Variants in SAMD12 observed in about 807,000 individuals in gnomAD.
SAMD12 encodes sterile alpha motif domain-containing protein 12.
Under a neutral mutation model 15.0 loss-of-function variants are expected in SAMD12, and 9 were observed. That is an observed-to-expected ratio of 0.60 (90% CI 0.36 to 1.05). The LOEUF (loss-of-function observed/expected upper bound fraction) is 1.05. Ranked by LOEUF, SAMD12 falls within the 50% of genes least tolerant of loss-of-function variation. The pLI, the probability that SAMD12 is intolerant of heterozygous loss-of-function variation, is 0.01. For missense variants in SAMD12, 230 were observed against 234.2 expected, an observed-to-expected ratio of 0.98 and a Z score of 0.12; for synonymous variants, 86 against 90.1, an observed-to-expected ratio of 0.96 and a Z score of 0.25.
At chr8:118,463,475 C>T (rs560785326) in intron 2 of SAMD12, among the ~76,000 whole-genome samples, 5 of 152,212 alleles carry the variant, frequency 3.3e-5, no homozygotes, top group African/African-American at 9.6e-5. Flanking sequence ...AGGAGAAAAC[C>T]GGGCTCCCAC....
At chr8:118,479,867 C>T (rs891425431) in intron 2 of SAMD12, among the ~76,000 whole-genome samples, 3 of 151,836 alleles carry the variant, frequency 2.0e-5, no homozygotes, top group Non-Finnish European at 4.4e-5. Flanking sequence ...TCCCTGGACA[C>T]TATCACAGGC....
At chr8:118,385,624 C>T (rs1819913733) in intron 3 of SAMD12, among the ~76,000 whole-genome samples, 1 of 152,152 alleles carries the variant, frequency 6.6e-6, no homozygotes, top group African/African-American at 2.4e-5. Context: ...TTTTGTTTCT[C>T]TGGAGAACAC....
At chr8:118,180,415 C>A in the SAMD12 span, among the ~76,000 whole-genome samples, 1 of 152,200 alleles carries the variant, frequency 6.6e-6, no homozygotes, top group Non-Finnish European at 1.5e-5. Flanking sequence ...CCCTTCCCTT[C>A]TATCTCATTC....
intron 3 of SAMD12, among the ~76,000 whole-genome samples, chr8:118,417,324 TCCTC>T (rs1209045745): frequency 6.6e-6 from 1 of 152,142 alleles, no homozygotes; most frequent in African/African-American, 2.4e-5. Context: ...TCTCAGGTGA[TCCTC>T]CCACCTTGGC....
chr8:118,218,820 T>C (rs911862960), intron 4 of SAMD12, among the ~76,000 whole-genome samples: 1 of 152,190 alleles, frequency 6.6e-6, no homozygotes, highest in African/African-American at 2.4e-5. Context: ...ACACTTTGAA[T>C]AGTGTTCATC....
rs541723498 is a variant in SAMD12, at chr8:118,533,599, A to T, written c.192+47116T>A. ...TAAGTCTCTTTGTAGGTCTCTAAGGACTTGCTTTATGAATCTGGGTGCTCC... is the reference window on the plus strand; with the variant it reads ...TAAGTCTCTTTGTAGGTCTCTAAGGTCTTGCTTTATGAATCTGGGTGCTCC... On this transcript the variant is annotated intron_variant, in intron 2 of 3. Transcript: ENST00000314727. Among the ~76,000 whole-genome samples, 118 of 152,216 alleles carry T rather than the reference A, an allele frequency of 7.8e-4. 1 individual carries two copies. Among genetic ancestry groups the T allele is most frequent in the South Asian group, 2.7e-3 (13 of 4,822 alleles).
the SAMD12 span, among the ~76,000 whole-genome samples, chr8:118,175,628 G>T: frequency 2.0e-5 from 3 of 151,948 alleles, no homozygotes; most frequent in Non-Finnish European, 4.4e-5. Flanking sequence ...ATCTATAAGG[G>T]ACCTAAACAA....
chr8:118,423,387 C>A (rs2130851615), intron 3 of SAMD12, among the ~76,000 whole-genome samples: 1 of 152,252 alleles, frequency 6.6e-6, no homozygotes, highest in South Asian at 2.1e-4. Flanking sequence ...CCATGGCTCA[C>A]AGGACGTTAT....
intron 4 of SAMD12, among the ~76,000 whole-genome samples, chr8:118,278,057 G>A (rs1813514275): frequency 6.6e-6 from 1 of 152,194 alleles, no homozygotes; most frequent in African/African-American, 2.4e-5. Context: ...CATAAACAGT[G>A]ATAACACAAA....
At chr8:118,475,896 G>C (rs1296065112) in intron 2 of SAMD12, among the ~76,000 whole-genome samples, 8 of 152,166 alleles carry the variant, frequency 5.3e-5, no homozygotes, top group Non-Finnish European at 1.2e-4. Flanking sequence ...GGCACTGCTA[G>C]GATCTCAATG....
chr8:118,458,288 C>A (rs975062771), intron 2 of SAMD12, among the ~76,000 whole-genome samples: 2 of 152,092 alleles, frequency 1.3e-5, no homozygotes, highest in African/African-American at 4.8e-5. Flanking sequence ...TTCAATGTAG[C>A]CAGGTTGTTA....
chr8:118,473,930 C>T (rs950486109), intron 2 of SAMD12, among the ~76,000 whole-genome samples: 1 of 152,100 alleles, frequency 6.6e-6, no homozygotes, highest in Non-Finnish European at 1.5e-5. Flanking sequence ...TATCCCCACA[C>T]AGTATTACTA....
chr8:118,382,308 A>G (rs555953064), intron 3 of SAMD12, among the ~76,000 whole-genome samples: 3 of 152,338 alleles, frequency 2.0e-5, no homozygotes, highest in Non-Finnish European at 4.4e-5. Flanking sequence ...CTGATAAGAC[A>G]CATGGCTGCT....
At chr8:118,159,930 G>A in the SAMD12 span, among the ~76,000 whole-genome samples, 1 of 152,032 alleles carries the variant, frequency 6.6e-6, no homozygotes, top group Non-Finnish European at 1.5e-5. Context: ...ATGTTGGCCA[G>A]GCTGGTCTCG....
intron 2 of SAMD12, among the ~76,000 whole-genome samples, chr8:118,448,019 C>T (rs1228453953): frequency 2.6e-5 from 4 of 152,088 alleles, no homozygotes; most frequent in Admixed American, 6.5e-5. Context: ...TGAGCCACCG[C>T]GCCCAGCCTC....
At chr8:118,171,728 AT>A in the SAMD12 span, among the ~76,000 whole-genome samples, 14,561 of 136,152 alleles carry the variant, frequency 0.11, 1,448 homozygotes, top group African/African-American at 0.28. Context: ...TGGGTACAGG[AT>A]TTTTTTTTTT....
chr8:118,137,562 C>T, the SAMD12 span, among the ~76,000 whole-genome samples: 2 of 152,178 alleles, frequency 1.3e-5, no homozygotes, highest in Non-Finnish European at 2.9e-5. Context: ...ATGTGCATCC[C>T]TCAGAAGTTC....
chr8:118,532,542 A>C (rs1825720230), intron 2 of SAMD12, among the ~76,000 whole-genome samples: 1 of 152,170 alleles, frequency 6.6e-6, no homozygotes, highest in Non-Finnish European at 1.5e-5. Context: ...CCTCTGGTAG[A>C]ATTCGGCTGT....
chr8:118,301,200 A>C (rs531902814), intron 4 of SAMD12, among the ~76,000 whole-genome samples: 74 of 152,332 alleles, frequency 4.9e-4, no homozygotes, highest in African/African-American at 1.7e-3. Flanking sequence ...AAAGAGCAAA[A>C]GGTGGTGGGG....
Sources: allele counts gnomAD v4.1 joint callset (sites outside exome capture counted in the v4.1 genomes callset), GRCh38; gene constraint gnomAD v4.1.1; transcripts MANE v1.5; gene names NCBI Gene and HGNC (gene_info 2026-07-23, HGNC 2026-07-21).